MEGF11: variants seen among roughly 807,000 people sequenced by gnomAD.
The protein encoded by MEGF11 is multiple EGF like domains 11.
MEGF11 carries 126 observed loss-of-function variants against 146.6 expected under a neutral mutation model. The ratio of observed to expected loss-of-function variants is 0.86; its 90% CI spans 0.74 to 1.00. The LOEUF is 1.00. Among genes scored for constraint, MEGF11 ranks in the 50% least tolerant of loss-of-function variants. MEGF11 has a pLI of 0.00. For synonymous variants in MEGF11, 532 were observed against 583.4 expected (o/e 0.91, Z 1.27); for missense variants, 1,509 against 1,521.2 (o/e 0.99, Z 0.13).
intron 20 of MEGF11, among the ~76,000 whole-genome samples, chr15:65,913,217 G>A (rs1360489448): frequency 1.3e-5 from 2 of 152,146 alleles, no homozygotes; most frequent in Admixed American, 1.3e-4. Context: ...TTGCCAGAGG[G>A]ACATTGTCCA....
intron 5 of MEGF11, among the ~76,000 whole-genome samples, chr15:66,009,046 C>A (rs2082616637): frequency 6.6e-6 from 1 of 152,148 alleles, no homozygotes; most frequent in African/African-American, 2.4e-5. Context: ...AAAGGCTTTT[C>A]ACTCTTACAT....
chr15:66,220,848 C>T (rs4776765), intron 1 of MEGF11, among the ~76,000 whole-genome samples: 151,886 of 152,268 alleles, frequency 1, 75,754 homozygotes, highest in Middle Eastern at 1. Context: ...CAGGAGTCGC[C>T]AAGAGTTTTA....
intron 1 of MEGF11, among the ~76,000 whole-genome samples, chr15:66,159,084 T>C (rs1198716699): frequency 6.6e-6 from 1 of 152,240 alleles, no homozygotes; most frequent in East Asian, 1.9e-4. Flanking sequence ...TGAGTAATAA[T>C]GATTCTAAGT....
chr15:65,966,027 A>G (rs1567180350), intron 8 of MEGF11, among the ~76,000 whole-genome samples: 2 of 152,142 alleles, frequency 1.3e-5, no homozygotes, highest in Non-Finnish European at 2.9e-5. Flanking sequence ...TTTGTTTGAG[A>G]TGGAGTCTCA....
intron 10 of MEGF11, among the ~76,000 whole-genome samples, chr15:65,955,757 AAAAAATATATATAT>A (rs1226869897): frequency 7.3e-5 from 1 of 13,620 alleles, no homozygotes; most frequent in African/African-American, 1.8e-4. Context: ...AAAAAAAAAA[AAAAAATATATATAT>A]ATATATATAT....
At chr15:65,945,718 G>T (rs940074839) in intron 10 of MEGF11, among the ~76,000 whole-genome samples, 3 of 152,168 alleles carry the variant, frequency 2.0e-5, no homozygotes, top group African/African-American at 7.2e-5. Flanking sequence ...CACCTCCCCT[G>T]AGCTGCCTGA....
At chr15:66,002,632 T>C (rs2082400826) in intron 5 of MEGF11, among the ~76,000 whole-genome samples, 1 of 152,362 alleles carries the variant, frequency 6.6e-6, no homozygotes, top group Admixed American at 6.5e-5. Context: ...CAAATGATAA[T>C]AGCATTGACA....
intron 1 of MEGF11, among the ~76,000 whole-genome samples, chr15:66,197,323 C>T (rs537210731): frequency 7.2e-5 from 11 of 152,278 alleles, no homozygotes; most frequent in African/African-American, 2.4e-4. Flanking sequence ...TGAGATGTCT[C>T]GGTAGGACAG....
At chr15:66,222,277 C>T (rs1351179584) in intron 1 of MEGF11, among the ~76,000 whole-genome samples, 4 of 152,068 alleles carry the variant, frequency 2.6e-5, no homozygotes, top group Non-Finnish European at 4.4e-5. Context: ...TGCCCTGCCT[C>T]GCCATTCATC....
intron 10 of MEGF11, among the ~76,000 whole-genome samples, chr15:65,935,963 T>TATC (rs1491101162): frequency 2.0e-5 from 3 of 151,958 alleles, no homozygotes; most frequent in Non-Finnish European, 4.4e-5. Context: ...CAGATTAGAC[T>TATC]ATCAGCTCTG....
rs2140679100 is a variant in MEGF11, at chr15:66,094,432, G to A, written c.364C>T (p.Pro122Ser). The A allele has an allele frequency of 6.4e-7, 1 of 1,563,350 alleles. No homozygotes were observed. Among genetic ancestry groups the A allele is most frequent in the East Asian group, 2.4e-5 (1 of 42,162 alleles). The change falls in exon 5 of 26, where the codon CCT (proline) becomes TCT (serine). Residue 122 changes from proline (P) to serine (S), a missense_variant. Pro to Ser is a moderately conservative substitution (Grantham distance 74). Transcript: ENST00000395614. ...CVSPDTCHCE[P>S]GWGGPDCSSG... ...GAGCAGTCGGGCCCTCCCCAGCCAGGCTCGCAGTGGCAGGTGTCCGGGGAA... is the reference window on the plus strand; with the variant it reads ...GAGCAGTCGGGCCCTCCCCAGCCAGACTCGCAGTGGCAGGTGTCCGGGGAA...
At chr15:66,122,392 G>A (rs1325653622) in intron 3 of MEGF11, among the ~76,000 whole-genome samples, 1 of 152,184 alleles carries the variant, frequency 6.6e-6, no homozygotes, top group African/African-American at 2.4e-5. Context: ...ATGTCTCACA[G>A]CCAGTTAGTA....
chr15:66,217,019 A>G (rs927274047), intron 1 of MEGF11, among the ~76,000 whole-genome samples: 4 of 152,238 alleles, frequency 2.6e-5, no homozygotes. Flanking sequence ...CTTGGTTGCC[A>G]CCACATTGCA....
At position 65,965,074 on chromosome 15, in the gene MEGF11, G is replaced by C; in HGVS notation, c.946C>G (p.Gln316Glu). 6.3e-7 allele frequency: 1 copy of C among 1,596,962 alleles called. No individual in the cohort carries two copies. The highest frequency in any genetic ancestry group is 1.3e-5 in the African/African-American group (1 of 74,746). The change falls in exon 9 of 26, where the codon CAG becomes GAG. Residue 316 changes from glutamine (Q) to glutamate (E), a missense_variant. Transcript: ENST00000395614. ...PFGSFGFQCSQHCDCHNGGQC... is the reference protein window; with the variant it reads ...PFGSFGFQCSEHCDCHNGGQC... ...CCCCCATTGTGGCAGTCACAGTGCT[G>C]TGAGCACTGGAAGCCGAAGGACCCG...
At chr15:66,227,932 T>G (rs2091887798) in intron 1 of MEGF11, among the ~76,000 whole-genome samples, 1 of 151,864 alleles carries the variant, frequency 6.6e-6, no homozygotes, top group Non-Finnish European at 1.5e-5. Flanking sequence ...ACCTCCCCAC[T>G]CCAATGACAC....
chr15:66,135,947 C>A (rs542682807), intron 1 of MEGF11, among the ~76,000 whole-genome samples: 1 of 152,158 alleles, frequency 6.6e-6, no homozygotes, highest in Non-Finnish European at 1.5e-5. Context: ...TTGGGCCCTT[C>A]CAACTCTGTA....
intron 5 of MEGF11, among the ~76,000 whole-genome samples, chr15:66,084,299 TA>T (rs1293476298): frequency 2.0e-5 from 3 of 151,914 alleles, no homozygotes; most frequent in Non-Finnish European, 4.4e-5. Flanking sequence ...GGCAAAGGGT[TA>T]GGGGATCATG....
intron 1 of MEGF11, among the ~76,000 whole-genome samples, chr15:66,155,227 G>T (rs1288069431): frequency 6.6e-6 from 1 of 151,324 alleles, no homozygotes; most frequent in African/African-American, 2.5e-5. Flanking sequence ...GCAGTAATCA[G>T]GTGGGTTGGG....
intron 1 of MEGF11, among the ~76,000 whole-genome samples, chr15:66,237,597 C>T (rs1171403817): frequency 6.6e-6 from 1 of 152,198 alleles, no homozygotes; most frequent in Admixed American, 6.5e-5. Flanking sequence ...GCCTCTGTTT[C>T]TCCATCTATA....
Sources: allele counts gnomAD v4.1 joint callset (sites outside exome capture counted in the v4.1 genomes callset), GRCh38; gene constraint gnomAD v4.1.1; transcripts MANE v1.5; gene names NCBI Gene and HGNC (gene_info 2026-07-23, HGNC 2026-07-21).